Variants in WDFY3 observed in about 807,000 individuals in gnomAD.
The protein encoded by WDFY3 is WD repeat and FYVE domain containing 3, also known as WD repeat and FYVE domain-containing protein 3.
Under a neutral mutation model 409.6 loss-of-function variants are expected in WDFY3, and 66 were observed. That is an observed-to-expected ratio of 0.16 (90% CI 0.13 to 0.20). The LOEUF (loss-of-function observed/expected upper bound fraction) is 0.20. Among genes scored for constraint, WDFY3 ranks in the 10% least tolerant of loss-of-function variants. WDFY3 has a pLI of 1.00. For synonymous variants in WDFY3, 1,521 were observed against 1,537.1 expected (o/e 0.99, Z 0.25); for missense variants, 3,031 against 4,298.1 (o/e 0.71, Z 8.24).
At chr4:84,844,104 C>T (rs1483400320) in intron 5 of WDFY3, among the ~76,000 whole-genome samples, 4 of 152,008 alleles carry the variant, frequency 2.6e-5, no homozygotes, top group Non-Finnish European at 4.4e-5. Flanking sequence ...GTAAAGAATG[C>T]GGACAATCTT....
At chr4:84,755,548 C>A in intron 33 of WDFY3, 148 bp from the exon 34 acceptor site, 1 of 841,476 alleles carries the variant, frequency 1.2e-6, no homozygotes, top group Admixed American at 3.7e-5. Flanking sequence ...AACTAGTACC[C>A]TTCCATCCTA....
chr4:84,749,145 CAAAG>C (rs1560657605), intron 36 of WDFY3, among the ~76,000 whole-genome samples: 2 of 152,058 alleles, frequency 1.3e-5, no homozygotes, highest in Non-Finnish European at 2.9e-5. Flanking sequence ...CTTGACCTCC[CAAAG>C]AAAGTGTTGG....
intron 3 of WDFY3, among the ~76,000 whole-genome samples, chr4:84,866,412 C>A (rs1044599528): frequency 6.6e-6 from 1 of 152,180 alleles, no homozygotes; most frequent in Admixed American, 6.5e-5. Context: ...CTTCCAAAAG[C>A]TAAACCAAAA....
chr4:84,845,518 T>G (rs561362725), intron 5 of WDFY3, among the ~76,000 whole-genome samples: 1 of 152,116 alleles, frequency 6.6e-6, no homozygotes, highest in Non-Finnish European at 1.5e-5. Flanking sequence ...ATGGTATGTA[T>G]AGTTAACAGT....
chr4:84,813,374 AAATT>A (rs1289753826), intron 13 of WDFY3, among the ~76,000 whole-genome samples: 1 of 152,216 alleles, frequency 6.6e-6, no homozygotes, highest in Non-Finnish European at 1.5e-5. Flanking sequence ...TCATAATTAA[AAATT>A]AAGTAACAAA....
At chr4:84,824,696 A>G (rs944224103) in intron 10 of WDFY3, among the ~76,000 whole-genome samples, 1 of 152,152 alleles carries the variant, frequency 6.6e-6, no homozygotes, top group African/African-American at 2.4e-5. Context: ...TCCACTTGTC[A>G]AAACTCATCA....
chr4:84,758,787 T>C (rs1247881532), intron 32 of WDFY3, among the ~76,000 whole-genome samples: 1 of 152,296 alleles, frequency 6.6e-6, no homozygotes, highest in East Asian at 1.9e-4. Flanking sequence ...ACAATGAACA[T>C]GTGAGGCAGA....
At chr4:84,706,344 A>G (rs1255980728) in intron 53 of WDFY3, among the ~76,000 whole-genome samples, 1 of 152,178 alleles carries the variant, frequency 6.6e-6, no homozygotes, top group Non-Finnish European at 1.5e-5. Context: ...CTCAAAGTTT[A>G]TATGTAAAGT....
At chr4:84,956,393 C>G (rs938372067) in intron 1 of WDFY3, among the ~76,000 whole-genome samples, 1 of 152,154 alleles carries the variant, frequency 6.6e-6, no homozygotes, top group Non-Finnish European at 1.5e-5. Context: ...AAGAACCAGA[C>G]GCCAGACAGG....
At chr4:84,758,571 T>G (rs1741871216) in intron 32 of WDFY3, among the ~76,000 whole-genome samples, 1 of 152,176 alleles carries the variant, frequency 6.6e-6, no homozygotes, top group South Asian at 2.1e-4. Context: ...TTTTTTCAAC[T>G]TCTTTTTTTC....
At chr4:84,847,016 C>T (rs1758157562) in intron 5 of WDFY3, among the ~76,000 whole-genome samples, 1 of 151,924 alleles carries the variant, frequency 6.6e-6, no homozygotes, top group Non-Finnish European at 1.5e-5. Context: ...GGCCCTAGAC[C>T]AGAGGTTTGT....
chr4:84,714,834 C>T (rs1733569530), intron 50 of WDFY3, among the ~76,000 whole-genome samples: 1 of 151,598 alleles, frequency 6.6e-6, no homozygotes, highest in Non-Finnish European at 1.5e-5. Context: ...CCTGCAGTTC[C>T]AGCTACTCGG....
intron 56 of WDFY3, among the ~76,000 whole-genome samples, chr4:84,698,996 G>T (rs1208738830): frequency 6.6e-6 from 1 of 151,234 alleles, no homozygotes; most frequent in African/African-American, 2.4e-5. Flanking sequence ...CCCCAAGTGT[G>T]TTTTCTTTTA....
At chr4:84,755,476 A>C in intron 33 of WDFY3, 76 bp from the exon 34 acceptor site, 1 of 1,510,084 alleles carries the variant, frequency 6.6e-7, no homozygotes, top group Non-Finnish European at 8.8e-7. Context: ...CTAATAGGCT[A>C]AAATTTCTTT....
intron 60 of WDFY3, among the ~76,000 whole-genome samples, chr4:84,691,005 G>T (rs1427421510): frequency 6.6e-6 from 1 of 152,234 alleles, no homozygotes; most frequent in Non-Finnish European, 1.5e-5. Flanking sequence ...GCTGTAGACA[G>T]AATGTGAAAA....
At chr4:84,698,646 T>C (rs1445166081) in intron 56 of WDFY3, among the ~76,000 whole-genome samples, 1 of 152,096 alleles carries the variant, frequency 6.6e-6, no homozygotes, top group Non-Finnish European at 1.5e-5. Context: ...AGGGTGAATA[T>C]TACTTATCTC....
chr4:84,740,398 C>T lies in WDFY3; in HGVS notation c.6253G>A (p.Gly2085Arg). 1.2e-6 allele frequency: 2 copies of T among 1,613,998 alleles called. No individual in the cohort carries two copies. Among genetic ancestry groups the T allele is most frequent in the Non-Finnish European group, 1.7e-6 (2 of 1,179,990 alleles). The change falls in exon 39 of 68, where the codon GGA (glycine) becomes AGA (arginine). Residue 2085 changes from glycine to arginine, a missense_variant. Coordinates refer to ENST00000295888, the MANE Select transcript of WDFY3 (RefSeq NM_014991.6). ...LIAQSKRRSQGLSLDAVYHCL... is the reference protein window; with the variant it reads ...LIAQSKRRSQRLSLDAVYHCL... ...TGATACACTGCATCCAGTGACAATC[C>T]CTGTGATCTTCTCTTTGACTAAAGA...
intron 2 of WDFY3, among the ~76,000 whole-genome samples, chr4:84,910,972 G>A (rs528497553): frequency 2.6e-5 from 4 of 151,354 alleles, no homozygotes; most frequent in African/African-American, 9.7e-5. Flanking sequence ...CACCTGCCTC[G>A]GCCTCCCAAA....
chr4:84,860,519 G>C lies in WDFY3; in HGVS notation c.73C>G (p.Leu25Val). The part of the protein sequence containing the change: ...ECSPQDNALG[L>V]MHLRRLFTEL... ...GTGAAGAGCCGGCGGAGGTGCATCA[G>C]TCCTAAGGCGTTGTCTTGTGGGCTG... The change falls in exon 4 of 68, where the codon CTG becomes GTG. Residue 25 changes from leucine (L) to valine (V), a missense_variant. By Grantham distance (32) the Leu-to-Val change is conservative (BLOSUM62 1). This residue lies in a region of WDFY3 where 1,322 missense variants were observed against 1,697.9 expected (regional missense o/e 0.78). Coordinates refer to ENST00000295888, the MANE Select transcript of WDFY3 (RefSeq NM_014991.6). 1 of 1,614,110 alleles carries C rather than the reference G, an allele frequency of 6.2e-7. No homozygotes were observed. Among genetic ancestry groups the C allele is most frequent in the Non-Finnish European group, 8.5e-7 (1 of 1,179,982 alleles).
Sources: allele counts gnomAD v4.1 joint callset (sites outside exome capture counted in the v4.1 genomes callset), GRCh38; gene constraint gnomAD v4.1.1; regional missense constraint gnomAD v4.1.1; transcripts MANE v1.5; gene names NCBI Gene and HGNC (gene_info 2026-07-23, HGNC 2026-07-21).